The following ULK4 variants were observed in gnomAD, a reference collection of about 807,000 sequenced individuals.
ULK4 encodes the protein inactive serine/threonine-protein kinase ULK4.
A neutral mutation model predicts 160.6 loss-of-function variants in ULK4; 133 were observed. The observed-to-expected ratio is 0.83, with a 90% CI of 0.72 to 0.96. The LOEUF (loss-of-function observed/expected upper bound fraction) is 0.96. Among genes scored for constraint, ULK4 ranks in the 40% least tolerant of loss-of-function variants. ULK4 has a pLI of 0.00. For synonymous variants in ULK4, 534 were observed against 539.8 expected (o/e 0.99, Z 0.15); for missense variants, 1,580 against 1,499.5 (o/e 1.05, Z -0.89).
At chr3:41,559,050 C>T (rs554163691) in intron 32 of ULK4, among the ~76,000 whole-genome samples, 7 of 137,726 alleles carry the variant, frequency 5.1e-5, no homozygotes, top group African/African-American at 2.1e-4. Context: ...CAACAGGCCC[C>T]GGTGTATCAT....
At chr3:41,525,431 T>C (rs1184717672) in intron 32 of ULK4, among the ~76,000 whole-genome samples, 1 of 152,210 alleles carries the variant, frequency 6.6e-6, no homozygotes, top group African/African-American at 2.4e-5. Context: ...CCGACCTGTA[T>C]GAATGGCATC....
In ULK4 at chr3:41,307,176, G is replaced by A. The variant is rs201422565; in HGVS notation, c.3679-57602C>T. Among the ~76,000 whole-genome samples the A allele has an allele frequency of 2.1e-3, 312 of 149,694 alleles. 1 individual carries two copies. The highest frequency in any genetic ancestry group is 0.015 in the East Asian group (79 of 5,136). On this transcript the variant is annotated intron_variant, in intron 35 of 36. Coordinates refer to ENST00000301831, the MANE Select transcript of ULK4 (RefSeq NM_017886.4). ...AAATAAATTAAAAAAAAAAAAAACT[G>A]GAATAGGACAGTGAGTGAAGGTGCA...
intron 32 of ULK4, among the ~76,000 whole-genome samples, chr3:41,558,027 T>G (rs1166907408): frequency 6.6e-6 from 1 of 152,092 alleles, no homozygotes; most frequent in Non-Finnish European, 1.5e-5. Context: ...AAATATAAAT[T>G]GGCACATTAC....
intron 34 of ULK4, among the ~76,000 whole-genome samples, chr3:41,426,062 C>T (rs2082769810): frequency 6.6e-6 from 1 of 152,076 alleles, no homozygotes; most frequent in African/African-American, 2.4e-5. Flanking sequence ...CACATGTAGG[C>T]TCAAATAAAG....
In ULK4 at chr3:41,837,594, C is replaced by T. The variant is rs138151176; in HGVS notation, c.1657-1623G>A. On this transcript the variant is annotated intron_variant, in intron 17 of 36. Coordinates refer to ENST00000301831, the MANE Select transcript of ULK4 (RefSeq NM_017886.4). ...TTTTTTTTTTTTCCAGACAGAGTCT[C>T]ACTCTGTCACCCAGGCTGGAATGCA... Among the ~76,000 whole-genome samples, 1,032 of 150,108 alleles carry T rather than the reference C, an allele frequency of 6.9e-3. 9 individuals carry two copies. The highest frequency in any genetic ancestry group is 0.024 in the African/African-American group (995 of 40,778).
At chr3:41,801,561 C>G (rs1007162812) in intron 19 of ULK4, among the ~76,000 whole-genome samples, 3 of 150,880 alleles carry the variant, frequency 2.0e-5, no homozygotes, top group Admixed American at 1.3e-4. Flanking sequence ...AAAGAGAAAA[C>G]CTTATGGACA....
intron 7 of ULK4, among the ~76,000 whole-genome samples, chr3:41,916,991 T>C (rs1166621630): frequency 6.6e-6 from 1 of 152,070 alleles, no homozygotes; most frequent in East Asian, 1.9e-4. Context: ...TACAGGTGTG[T>C]GCCACCATGC....
intron 22 of ULK4, among the ~76,000 whole-genome samples, chr3:41,727,817 GTAACAATT>G (rs2037702998): frequency 6.6e-6 from 1 of 152,218 alleles, no homozygotes; most frequent in African/African-American, 2.4e-5. Flanking sequence ...AGAAGCAACT[GTAACAATT>G]TGGATGAGAA....
intron 35 of ULK4, among the ~76,000 whole-genome samples, chr3:41,328,443 G>C (rs1233752301): frequency 2.0e-5 from 3 of 152,130 alleles, no homozygotes; most frequent in Non-Finnish European, 4.4e-5. Flanking sequence ...GGAGTGGAGA[G>C]TGTAGAAACC....
chr3:41,610,823 T>C (rs2032641131), intron 31 of ULK4, among the ~76,000 whole-genome samples: 3 of 152,212 alleles, frequency 2.0e-5, no homozygotes, highest in South Asian at 2.1e-4. Flanking sequence ...TTGGCACATA[T>C]TGGAAAATCT....
intron 21 of ULK4, among the ~76,000 whole-genome samples, chr3:41,780,360 TAAAATATAAAAATTTATATTA>T (rs1396718181): frequency 6.6e-6 from 1 of 151,116 alleles, no homozygotes; most frequent in African/African-American, 2.4e-5. Flanking sequence ...TCTTTTATAT[TAAAATATAAAAATTTATATTA>T]AAAATATAAA....
At chr3:41,527,721 G>A (rs1164778298) in intron 32 of ULK4, among the ~76,000 whole-genome samples, 7 of 152,018 alleles carry the variant, frequency 4.6e-5, no homozygotes, top group Non-Finnish European at 5.9e-5. Context: ...CTTTTCATGA[G>A]TATAAAAAAA....
chr3:41,704,511 A>C (rs574251129), intron 27 of ULK4, among the ~76,000 whole-genome samples: 1 of 152,296 alleles, frequency 6.6e-6, no homozygotes, highest in South Asian at 2.1e-4. Flanking sequence ...TCCTTCTCCT[A>C]AAGTCAACAA....
Position 41,300,820 on chromosome 3 carries a change from T to G in ULK4, c.3679-51246A>C, listed in dbSNP as rs182253785. Reference sequence around the variant, plus strand: ...TTTCTCTTCTCTCTTATGATTAAATTTTGATCATTTTACAGATTATATATA... The same window carrying G: ...TTTCTCTTCTCTCTTATGATTAAATGTTGATCATTTTACAGATTATATATA... On this transcript the variant is annotated intron_variant, in intron 35 of 36. Coordinates refer to ENST00000301831, the MANE Select transcript of ULK4 (RefSeq NM_017886.4). Among the ~76,000 whole-genome samples, 313 of 132,524 alleles carry G rather than the reference T, an allele frequency of 2.4e-3. 16 individuals carry two copies. Among genetic ancestry groups the G allele is most frequent in the East Asian group, 0.018 (79 of 4,348 alleles). 86.9% of individuals were successfully genotyped at this position (132,524 alleles called of 152,430 possible). A position where few individuals can be genotyped will look rare whatever the true frequency, so the allele number is the denominator to read the frequency against.
chr3:41,603,066 CAA>C (rs2125665722), intron 31 of ULK4, among the ~76,000 whole-genome samples: 1 of 151,810 alleles, frequency 6.6e-6, no homozygotes, highest in African/African-American at 2.4e-5. Context: ...ATAAATGACC[CAA>C]CTACATGTTG....
At position 41,667,061 on chromosome 3, in the gene ULK4, G is replaced by A. The variant is rs559201971; in HGVS notation, c.2979-3362C>T. Among the ~76,000 whole-genome samples the A allele has an allele frequency of 2.0e-5, 3 of 152,180 alleles. No individual in the cohort carries two copies. In the South Asian group the frequency reaches 6.2e-4, roughly 32 times the overall value. ...ACTAGCTATTCAGGAGGCTGAGGTG[G>A]GAGGATTGCTTGAGCCCAGGCATTT... On this transcript the variant is annotated intron_variant, in intron 29 of 36. Coordinates refer to ENST00000301831, the MANE Select transcript of ULK4 (RefSeq NM_017886.4).
chr3:41,256,412 C>A (rs1454563309), intron 35 of ULK4, among the ~76,000 whole-genome samples: 2 of 152,138 alleles, frequency 1.3e-5, no homozygotes, highest in African/African-American at 4.8e-5. Context: ...ATGGAATAGA[C>A]AACAGAGCCC....
intron 17 of ULK4, among the ~76,000 whole-genome samples, chr3:41,861,076 T>A (rs1413905609): frequency 6.6e-6 from 1 of 152,194 alleles, no homozygotes; most frequent in Non-Finnish European, 1.5e-5. Context: ...AACTTTTTGC[T>A]GTTTCTATTT....
At chr3:41,593,677 C>T (rs993571584) in intron 31 of ULK4, among the ~76,000 whole-genome samples, 1 of 152,132 alleles carries the variant, frequency 6.6e-6, no homozygotes, top group East Asian at 1.9e-4. Flanking sequence ...CTTCTTCAGG[C>T]TTTTCTTTAT....
Sources: allele counts gnomAD v4.1 joint callset (sites outside exome capture counted in the v4.1 genomes callset), GRCh38; gene constraint gnomAD v4.1.1; transcripts MANE v1.5; gene names NCBI Gene and HGNC (gene_info 2026-07-23, HGNC 2026-07-21).